The following CDKAL1 variants were observed in gnomAD, a reference collection of about 807,000 sequenced individuals.
The protein encoded by CDKAL1 is CDKAL1 threonylcarbamoyladenosine tRNA methylthiotransferase, also known as threonylcarbamoyladenosine tRNA methylthiotransferase.
A neutral mutation model predicts 68.2 loss-of-function variants in CDKAL1; 32 were observed. That is an observed-to-expected ratio of 0.47 (90% CI 0.35 to 0.63). The LOEUF is 0.63. Ranked by LOEUF, CDKAL1 falls within the 30% of genes least tolerant of loss-of-function variation. The pLI, the probability that CDKAL1 is intolerant of heterozygous loss-of-function variation, is 0.00. For missense variants in CDKAL1, 606 were observed against 696.7 expected (o/e 0.87, Z 1.47); for synonymous variants, 234 against 244.3 (o/e 0.96, Z 0.39).
At chr6:21,063,360 C>T (rs1281965393) in intron 11 of CDKAL1, among the ~76,000 whole-genome samples, 2 of 152,182 alleles carry the variant, frequency 1.3e-5, no homozygotes, top group African/African-American at 4.8e-5. Flanking sequence ...AATAGAACAA[C>T]GTCTGTGCCA....
intron 8 of CDKAL1, among the ~76,000 whole-genome samples, chr6:20,842,040 G>T (rs1778193547): frequency 6.6e-6 from 1 of 152,178 alleles, no homozygotes; most frequent in Admixed American, 6.5e-5. Flanking sequence ...GAAGAAACTG[G>T]CTCAGTGTTC....
intron 10 of CDKAL1, among the ~76,000 whole-genome samples, chr6:20,958,225 A>G (rs1764883287): frequency 6.6e-6 from 1 of 152,138 alleles, no homozygotes; most frequent in Admixed American, 6.5e-5. Flanking sequence ...GAGCAAAAGG[A>G]AACAAAGATA....
chr6:20,986,640 G>C (rs1561938780), intron 10 of CDKAL1, among the ~76,000 whole-genome samples: 1 of 79,330 alleles, frequency 1.3e-5, no homozygotes, highest in Non-Finnish European at 2.8e-5. Flanking sequence ...GTAGTAATTG[G>C]TATATTTAAT....
At position 20,787,644 on chromosome 6, in the gene CDKAL1, T is replaced by C. The variant is rs557509199; in HGVS notation, c.638+6379T>C. 8.5e-5 allele frequency among the ~76,000 whole-genome samples: 13 copies of C among 152,288 alleles called. No homozygotes were observed. The South Asian group carries it at 2.5e-3, about 29-fold the overall frequency. The stretch of plus-strand genomic sequence containing the variant: ...ATACTGTCTCACTGTAGATAATACA[T>C]CCTCAGGCAACCAGAATTCCTTACC... On this transcript the variant is annotated intron_variant, in intron 8 of 15. Coordinates refer to ENST00000274695, the MANE Select transcript of CDKAL1 (RefSeq NM_017774.3).
At position 20,985,103 on chromosome 6, in the gene CDKAL1, C is replaced by T. The variant is rs143971379; in HGVS notation, c.910-15124C>T. 5.9e-3 allele frequency among the ~76,000 whole-genome samples: 893 copies of T among 151,980 alleles called. 4 individuals carry two copies. The highest frequency in any genetic ancestry group is 0.02 in the African/African-American group (838 of 41,426). On this transcript the variant is annotated intron_variant, in intron 10 of 15. Coordinates refer to ENST00000274695, the MANE Select transcript of CDKAL1 (RefSeq NM_017774.3). The stretch of plus-strand genomic sequence containing the variant: ...ATTTTTCAAATACTTTTTTTTAGGT[C>T]GACGACTTGTAATTATACATATTTA...
chr6:20,920,501 T>C (rs9366369), intron 9 of CDKAL1, among the ~76,000 whole-genome samples: 145,945 of 152,242 alleles, frequency 0.96, 69,966 homozygotes, highest in East Asian at 1. Flanking sequence ...ATTGCAATAC[T>C]ATTCTTTGAT....
At chr6:21,126,670 T>C (rs1286555053) in intron 13 of CDKAL1, among the ~76,000 whole-genome samples, 1 of 152,212 alleles carries the variant, frequency 6.6e-6, no homozygotes, top group African/African-American at 2.4e-5. Flanking sequence ...GCTTGCCATT[T>C]TGAATTTCTA....
At chr6:20,835,195 A>T (rs1230670843) in intron 8 of CDKAL1, among the ~76,000 whole-genome samples, 1 of 152,216 alleles carries the variant, frequency 6.6e-6, no homozygotes. Context: ...GTTCATTATC[A>T]TGATTGTGGC....
At chr6:20,769,156 C>T (rs144914808) in intron 7 of CDKAL1, among the ~76,000 whole-genome samples, 17 of 152,064 alleles carry the variant, frequency 1.1e-4, no homozygotes, top group Non-Finnish European at 1.8e-4. Flanking sequence ...AACTCACACC[C>T]GGGAAAGTAC....
intron 5 of CDKAL1, among the ~76,000 whole-genome samples, chr6:20,681,614 G>C (rs1562021795): frequency 6.6e-6 from 1 of 152,018 alleles, no homozygotes; most frequent in Non-Finnish European, 1.5e-5. Context: ...TGTAATAGCT[G>C]TTCTTTGTCA....
intron 9 of CDKAL1, among the ~76,000 whole-genome samples, chr6:20,906,807 T>G (rs1762248819): frequency 6.6e-6 from 1 of 152,076 alleles, no homozygotes; most frequent in South Asian, 2.1e-4. Flanking sequence ...AAGAAGTAAG[T>G]CCCTTCTTAT....
intron 8 of CDKAL1, among the ~76,000 whole-genome samples, chr6:20,812,864 C>G (rs1272258624): frequency 2.6e-5 from 4 of 152,060 alleles, no homozygotes; most frequent in African/African-American, 7.2e-5. Context: ...GTGAATCTTT[C>G]TGTGGACATA....
intron 12 of CDKAL1, among the ~76,000 whole-genome samples, chr6:21,098,800 G>A (rs1422803112): frequency 6.6e-6 from 1 of 152,068 alleles, no homozygotes; most frequent in African/African-American, 2.4e-5. Context: ...TGGTGGCGGA[G>A]GCATTCCAGG....
chr6:20,676,651 A>G (rs1770117320), intron 5 of CDKAL1, among the ~76,000 whole-genome samples: 1 of 149,346 alleles, frequency 6.7e-6, no homozygotes, highest in Admixed American at 6.9e-5. Flanking sequence ...TGGGTGACAG[A>G]GCGAGACTCT....
At chr6:20,723,977 G>T (rs1054737274) in intron 5 of CDKAL1, among the ~76,000 whole-genome samples, 1 of 152,174 alleles carries the variant, frequency 6.6e-6, no homozygotes, top group African/African-American at 2.4e-5. Context: ...CTGTCGCTCA[G>T]GCTGGAGTGC....
chr6:20,807,908 G>A (rs1310695007), intron 8 of CDKAL1, among the ~76,000 whole-genome samples: 2 of 152,170 alleles, frequency 1.3e-5, no homozygotes, highest in African/African-American at 4.8e-5. Context: ...CATTTAAGGG[G>A]TGCAGTGAGG....
At chr6:20,957,735 C>A (rs1228428823) in intron 10 of CDKAL1, among the ~76,000 whole-genome samples, 1 of 152,062 alleles carries the variant, frequency 6.6e-6, no homozygotes, top group Non-Finnish European at 1.5e-5. Context: ...CTTTGGGAGG[C>A]CGAGGCAGGT....
intron 5 of CDKAL1, among the ~76,000 whole-genome samples, chr6:20,732,253 T>C (rs1421659708): frequency 1.4e-4 from 15 of 107,094 alleles, no homozygotes; most frequent in African/African-American, 5.4e-4. Flanking sequence ...TCTTTTTCTT[T>C]TCTTTCTTTC....
chr6:20,832,026 T>G (rs1198164612), intron 8 of CDKAL1, among the ~76,000 whole-genome samples: 2 of 152,198 alleles, frequency 1.3e-5, no homozygotes, highest in African/African-American at 4.8e-5. Context: ...ACCGCTGCGC[T>G]GTCTGTTCAT....
Sources: gnomAD v4.1 joint callset for allele counts (sites outside exome capture counted in the v4.1 genomes callset) on GRCh38, gnomAD v4.1.1 for gene constraint, MANE v1.5 for transcripts, NCBI Gene and HGNC (gene_info 2026-07-23, HGNC 2026-07-21) for gene names.